Variants in TBC1D12 observed in about 807,000 individuals in gnomAD.
TBC1D12 encodes TBC1 domain family, member 12.
Under a neutral mutation model 86.7 loss-of-function variants are expected in TBC1D12, and 56 were observed. The ratio of observed to expected loss-of-function variants is 0.65; its 90% CI spans 0.52 to 0.81. The LOEUF (loss-of-function observed/expected upper bound fraction) is 0.81, where lower values mean the gene tolerates loss of function less well. Ranked by LOEUF, TBC1D12 falls within the 30% of genes least tolerant of loss-of-function variation. TBC1D12 has a pLI of 0.00. For missense variants in TBC1D12, 1,023 were observed against 1,038.8 expected (o/e 0.98, Z 0.21); for synonymous variants, 421 against 411.7 (o/e 1.02, Z -0.27).
intron 11 of TBC1D12, among the ~76,000 whole-genome samples, chr10:94,527,082 TTG>T (rs60647037): frequency 7.4e-5 from 11 of 148,126 alleles, no homozygotes; most frequent in Admixed American, 2.0e-4. Context: ...GCTGGATTGA[TTG>T]TGTGTGTGTG....
chr10:94,528,491 C>A (rs1842351083), intron 11 of TBC1D12, among the ~76,000 whole-genome samples: 1 of 152,070 alleles, frequency 6.6e-6, no homozygotes, highest in South Asian at 2.1e-4. Context: ...GTGAATTTTG[C>A]CAAAGAGATG....
chr10:94,493,934 ATAAT>A (rs1310171517), intron 4 of TBC1D12, among the ~76,000 whole-genome samples: 1 of 152,054 alleles, frequency 6.6e-6, no homozygotes, highest in African/African-American at 2.4e-5. Context: ...AATAAAGATA[ATAAT>A]TCATGAATCT....
Position 94,402,749 on chromosome 10 carries a change from G to A in TBC1D12, c.136G>A (p.Val46Met), listed in dbSNP as rs540259659. The A allele has an allele frequency of 4.5e-6, 7 of 1,554,588 alleles. No individual in the cohort carries two copies. In the South Asian group the frequency reaches 5.9e-5, roughly 13 times the overall value. ...TGGFGGGVGA[V>M]EPPEEADEEE... ...CGGCTTTGGCGGAGGCGTCGGCGCT[G>A]TGGAGCCGCCGGAGGAGGCTGACGA... The change falls in exon 1 of 13, where the codon GTG (valine) becomes ATG (methionine). Residue 46 changes from valine to methionine, a missense_variant. By Grantham distance (21) the Val-to-Met change is conservative. Coordinates refer to ENST00000225235, the MANE Select transcript of TBC1D12 (RefSeq NM_015188.2).
chr10:94,497,829 T>C (rs1227221458), intron 5 of TBC1D12, among the ~76,000 whole-genome samples: 1 of 149,178 alleles, frequency 6.7e-6, no homozygotes, highest in Non-Finnish European at 1.5e-5. Flanking sequence ...TTCTTTTTTT[T>C]TTTTTTTTTC....
Position 94,415,612 on chromosome 10 carries a change from T to C in TBC1D12, c.971+12028T>C, listed in dbSNP as rs1198924220. Reference sequence around the variant, plus strand: ...AGCTGGGCATGGTGGCGGGTGCCTGTAGTCCCAGCTACTCGGGAGGCTGAG... The same window carrying C: ...AGCTGGGCATGGTGGCGGGTGCCTGCAGTCCCAGCTACTCGGGAGGCTGAG... On this transcript the variant is annotated intron_variant, in intron 1 of 12. Coordinates refer to ENST00000225235, the MANE Select transcript of TBC1D12 (RefSeq NM_015188.2). Among the ~76,000 whole-genome samples the C allele has an allele frequency of 2.6e-5, 4 of 152,240 alleles. No homozygotes were observed. In the East Asian group the frequency reaches 7.7e-4, roughly 29 times the overall value.
chr10:94,437,290 G>C (rs2055314402), intron 1 of TBC1D12, among the ~76,000 whole-genome samples: 1 of 151,862 alleles, frequency 6.6e-6, no homozygotes, highest in Non-Finnish European at 1.5e-5. Context: ...TGGATGTGTA[G>C]ATTATGTCTT....
chr10:94,529,870 A>G (rs1056985883), intron 11 of TBC1D12, among the ~76,000 whole-genome samples: 5 of 152,184 alleles, frequency 3.3e-5, no homozygotes, highest in African/African-American at 1.2e-4. Flanking sequence ...TAAGTACTGT[A>G]TACTAGAACC....
chr10:94,509,457 A>C (rs1329612765), intron 7 of TBC1D12: 1 of 152,330 alleles, frequency 6.6e-6, no homozygotes, highest in African/African-American at 2.4e-5. Context: ...AGACCTTGTG[A>C]CTTTGGATGA....
chr10:94,470,690 C>CTTTT (rs35586245), intron 2 of TBC1D12, among the ~76,000 whole-genome samples: 3 of 105,816 alleles, frequency 2.8e-5, no homozygotes, highest in African/African-American at 1.0e-4. Flanking sequence ...ATTTGTAATT[C>CTTTT]TTTTTTTTTT....
intron 6 of TBC1D12, among the ~76,000 whole-genome samples, chr10:94,503,644 A>T (rs1195854824): frequency 6.6e-6 from 1 of 152,008 alleles, no homozygotes; most frequent in Non-Finnish European, 1.5e-5. Flanking sequence ...TTTATTTTTG[A>T]GATGGAGTCT....
chr10:94,525,392 A>G (rs192039973), intron 11 of TBC1D12, among the ~76,000 whole-genome samples: 1,570 of 152,118 alleles, frequency 0.01, 19 homozygotes, highest in Non-Finnish European at 0.018. Context: ...TGGGCAAATC[A>G]CCTGAGCTCA....
At chr10:94,532,955 C>G in intron 12 of TBC1D12, 73 bp from the exon 13 acceptor site, 1 of 839,124 alleles carries the variant, frequency 1.2e-6, no homozygotes, top group East Asian at 2.8e-5. Flanking sequence ...TGTTTATGAA[C>G]TATAGTTATT....
intron 1 of TBC1D12, among the ~76,000 whole-genome samples, chr10:94,414,228 G>GA (rs1397061126): frequency 2.0e-5 from 3 of 152,114 alleles, no homozygotes; most frequent in Non-Finnish European, 4.4e-5. Context: ...GTATGGTAAA[G>GA]ATAATACATT....
chr10:94,445,389 T>C (rs927580504), intron 2 of TBC1D12, among the ~76,000 whole-genome samples: 24 of 152,058 alleles, frequency 1.6e-4, no homozygotes, highest in African/African-American at 5.5e-4. Flanking sequence ...TAGAACTTCA[T>C]GAGTGGTCAG....
chr10:94,474,723 G>T lies in TBC1D12; in HGVS notation c.1151G>T (p.Arg384Leu). The T allele has an allele frequency of 6.2e-7, 1 of 1,614,038 alleles. No individual in the cohort carries two copies. The highest frequency in any genetic ancestry group is 8.5e-7 in the Non-Finnish European group (1 of 1,180,008). ...TCKPPPQSSR[R>L]KNFEFEPLST... Reference sequence around the variant, plus strand: ...AAACCACCACCTCAGTCTTCAAGACGCAAGAATTTTGAATTTGAGCCGCTT... The same window carrying T: ...AAACCACCACCTCAGTCTTCAAGACTCAAGAATTTTGAATTTGAGCCGCTT... Residue 384 changes from arginine to leucine, a missense_variant, in exon 3 of 13, where the codon CGC becomes CTC. Arg to Leu is a moderately radical substitution (Grantham distance 102). Transcript: ENST00000225235.
chr10:94,499,118 G>T (rs1285746846), intron 5 of TBC1D12, among the ~76,000 whole-genome samples: 1 of 152,126 alleles, frequency 6.6e-6, no homozygotes, highest in African/African-American at 2.4e-5. Flanking sequence ...ATTAAATCAA[G>T]CTAATTAACA....
At chr10:94,422,796 T>C (rs2055093635) in intron 1 of TBC1D12, among the ~76,000 whole-genome samples, 1 of 152,100 alleles carries the variant, frequency 6.6e-6, no homozygotes, top group South Asian at 2.1e-4. Flanking sequence ...GGTTTTGAAC[T>C]CCTGGCCTCA....
intron 2 of TBC1D12, among the ~76,000 whole-genome samples, chr10:94,468,030 C>T (rs1358283421): frequency 6.6e-6 from 1 of 152,200 alleles, no homozygotes; most frequent in Non-Finnish European, 1.5e-5. Flanking sequence ...AATTACACAT[C>T]GAGAAACTGC....
intron 1 of TBC1D12, among the ~76,000 whole-genome samples, chr10:94,435,916 A>G (rs1293452239): frequency 6.6e-6 from 1 of 152,144 alleles, no homozygotes; most frequent in Non-Finnish European, 1.5e-5. Context: ...GATACTATTT[A>G]TTACACAATC....
Sources: gnomAD v4.1 joint callset for allele counts (sites outside exome capture counted in the v4.1 genomes callset) on GRCh38, gnomAD v4.1.1 for gene constraint, MANE v1.5 for transcripts, NCBI Gene and HGNC (gene_info 2026-07-23, HGNC 2026-07-21) for gene names.